The following N4BP2L2 variants were observed in gnomAD, a reference collection of about 807,000 sequenced individuals.
N4BP2L2 encodes the protein NEDD4 binding protein 2 like 2, also known as NEDD4-binding protein 2-like 2.
In N4BP2L2, 50 loss-of-function variants were observed where a neutral mutation model predicts 56.2. The observed-to-expected ratio is 0.89, with a 90% CI of 0.71 to 1.13. The LOEUF is 1.13. N4BP2L2 is among the 50% of genes most tolerant of loss of function. The probability of loss-of-function intolerance (pLI) is 0.00; values close to 1 mark genes in which losing one functional copy is unlikely to be tolerated. For missense variants in N4BP2L2, 689 were observed against 693.8 expected, an observed-to-expected ratio of 0.99 and a Z score of 0.08; for synonymous variants, 203 against 223.6, an observed-to-expected ratio of 0.91 and a Z score of 0.82.
At chr13:32,515,692 G>T (rs959550350) in exon 6 of N4BP2L2, 2 of 151,714 alleles carry the variant, frequency 1.3e-5, no homozygotes, top group South Asian at 2.1e-4. Context: ...TCTCCCAAAG[G>T]TAATACTCTA....
chr13:32,518,932 C>G (rs1041058061), intron 5 of N4BP2L2, among the ~76,000 whole-genome samples: 1 of 152,054 alleles, frequency 6.6e-6, no homozygotes, highest in Admixed American at 6.6e-5. Flanking sequence ...TTATTTTACC[C>G]TCATAGTTTT....
intron 6 of N4BP2L2, among the ~76,000 whole-genome samples, chr13:32,491,535 CTATA>C (rs1196526738): frequency 6.8e-6 from 1 of 146,006 alleles, no homozygotes; most frequent in Non-Finnish European, 1.5e-5. Context: ...ACTATATAAA[CTATA>C]TATATACTAT....
chr13:32,517,869 T>C, exon 6 of N4BP2L2: 1 of 1,614,116 alleles, frequency 6.2e-7, no homozygotes, highest in Non-Finnish European at 8.5e-7. Flanking sequence ...CTGTCTCCCC[T>C]GTGGAGGAGG....
chr13:32,475,169 A>C (rs984590749), intron 6 of N4BP2L2, among the ~76,000 whole-genome samples: 5 of 152,204 alleles, frequency 3.3e-5, no homozygotes, highest in African/African-American at 1.2e-4. Context: ...AGGTCAGAGC[A>C]AATGTAGATT....
chr13:32,443,564 C>A lies in N4BP2L2; in HGVS notation c.928G>T (p.Glu310Ter). ...TGTGAGAGATTTTTATCTACTATTT[C>A]TCTCTTCTTCATAAATAAGCATGAA... is the stretch of plus-strand genomic sequence containing the variant. The change falls in exon 7 of 10, where the codon GAA becomes TAA. Residue 310 changes from glutamate to a stop codon, truncating the protein, a stop_gained. Coordinates refer to the N4BP2L2 transcript ENST00000357505. LOFTEE classifies it high-confidence loss of function. The A allele has an allele frequency of 6.2e-7, 1 of 1,611,142 alleles. No individual in the cohort carries two copies. Among genetic ancestry groups the A allele is most frequent in the Non-Finnish European group, 8.5e-7 (1 of 1,178,478 alleles).
intron 6 of N4BP2L2, among the ~76,000 whole-genome samples, chr13:32,494,422 T>C (rs2087979402): frequency 6.6e-6 from 1 of 152,046 alleles, no homozygotes; most frequent in Non-Finnish European, 1.5e-5. Flanking sequence ...TTTGACAGAA[T>C]CCAGAATATC....
chr13:32,469,746 A>T (rs958224048), intron 6 of N4BP2L2, among the ~76,000 whole-genome samples: 3 of 152,242 alleles, frequency 2.0e-5, no homozygotes, highest in African/African-American at 7.2e-5. Flanking sequence ...GCTGGTCCAG[A>T]AAAGTACCAG....
intron 8 of N4BP2L2, among the ~76,000 whole-genome samples, chr13:32,437,915 T>A (rs1352391997): frequency 1.3e-5 from 2 of 152,230 alleles, no homozygotes; most frequent in African/African-American, 4.8e-5. Context: ...CCCATCCATA[T>A]ATATCCTTTT....
chr13:32,474,063 T>G (rs1012724705), intron 6 of N4BP2L2, among the ~76,000 whole-genome samples: 1 of 152,196 alleles, frequency 6.6e-6, no homozygotes, highest in Non-Finnish European at 1.5e-5. Context: ...ATAATAAGGG[T>G]ATCATGGTTA....
chr13:32,480,612 AACATTTGATATTT>A (rs1401241245), intron 6 of N4BP2L2: 1 of 1,287,850 alleles, frequency 7.8e-7, no homozygotes, highest in Admixed American at 2.3e-5. Flanking sequence ...CTTACTAGGA[AACATTTGATATTT>A]CTTCAGTCAC....
intron 9 of N4BP2L2, among the ~76,000 whole-genome samples, chr13:32,433,173 G>C (rs1387222274): frequency 3.9e-5 from 6 of 152,172 alleles, no homozygotes; most frequent in African/African-American, 1.4e-4. Flanking sequence ...TTGTCCTTCA[G>C]CTGAAACTTG....
chr13:32,446,919 G>A (rs572360806), intron 6 of N4BP2L2, among the ~76,000 whole-genome samples: 1 of 151,504 alleles, frequency 6.6e-6, no homozygotes, highest in African/African-American at 2.5e-5. Context: ...GATATACAGA[G>A]AAGTTGAAGA....
At chr13:32,513,086 A>G (rs1325373962) in exon 6 of N4BP2L2, 1 of 152,174 alleles carries the variant, frequency 6.6e-6, no homozygotes, top group Non-Finnish European at 1.5e-5. Flanking sequence ...GCTTACATAC[A>G]TGTATATTCT....
chr13:32,508,782 T>C (rs1377202187), downstream of N4BP2L2: 3 of 151,840 alleles, frequency 2.0e-5, no homozygotes, highest in Non-Finnish European at 4.4e-5. Context: ...TTTTCTTTTT[T>C]TAAGTTACAC....
chr13:32,537,204 C>T, intron 1 of N4BP2L2, among the ~76,000 whole-genome samples, 177 bp from the exon 2 acceptor site: 1 of 151,854 alleles, frequency 6.6e-6, no homozygotes, highest in East Asian at 1.9e-4. Context: ...ACAGTCACAA[C>T]ATGGTGGTTT....
At chr13:32,483,787 A>G (rs1400170460) in intron 6 of N4BP2L2, among the ~76,000 whole-genome samples, 3 of 152,112 alleles carry the variant, frequency 2.0e-5, no homozygotes. Context: ...TACCAGGCTC[A>G]CTTTCAGCAG....
intron 5 of N4BP2L2, among the ~76,000 whole-genome samples, chr13:32,521,145 C>T (rs537805126): frequency 1.3e-5 from 2 of 151,918 alleles, no homozygotes; most frequent in Non-Finnish European, 2.9e-5. Flanking sequence ...GTGGGAGCAA[C>T]ATGAAAGCAC....
At chr13:32,443,373 C>A in exon 7 of N4BP2L2, 1 of 1,613,980 alleles carries the variant, frequency 6.2e-7, no homozygotes. Context: ...GTCCTGCAGG[C>A]CAGCTACCAA....
At chr13:32,461,154 C>T (rs556483691) in intron 6 of N4BP2L2, among the ~76,000 whole-genome samples, 5 of 152,172 alleles carry the variant, frequency 3.3e-5, no homozygotes, top group East Asian at 3.9e-4. Context: ...AGCATAAGAT[C>T]GAAAACTATA....
Sources: allele counts gnomAD v4.1 joint callset (sites outside exome capture counted in the v4.1 genomes callset), GRCh38; gene constraint gnomAD v4.1.1; transcripts MANE v1.5; gene names NCBI Gene and HGNC (gene_info 2026-07-23, HGNC 2026-07-21).